STK40: variants seen among roughly 807,000 people sequenced by gnomAD.
STK40 encodes the protein serine/threonine-protein kinase 40.
A neutral mutation model predicts 47.9 loss-of-function variants in STK40; 13 were observed. That is an observed-to-expected ratio of 0.27 (90% CI 0.18 to 0.43). The LOEUF (loss-of-function observed/expected upper bound fraction) is 0.43, where lower values mean the gene tolerates loss of function less well. Ranked by LOEUF, STK40 falls within the 20% of genes least tolerant of loss-of-function variation. The pLI is 1.00. For synonymous variants in STK40, 225 were observed against 243.2 expected, an observed-to-expected ratio of 0.93 and a Z score of 0.69; for missense variants, 460 against 595.1, an observed-to-expected ratio of 0.77 and a Z score of 2.36.
At chr1:36,365,672 T>TA (rs1382198852) in intron 1 of STK40, among the ~76,000 whole-genome samples, 2 of 152,224 alleles carry the variant, frequency 1.3e-5, no homozygotes, top group Non-Finnish European at 2.9e-5. Context: ...GCCTAACTCC[T>TA]ACGCATCCTT....
chr1:36,356,722 G>T (rs1200618533), intron 4 of STK40, among the ~76,000 whole-genome samples: 1 of 152,046 alleles, frequency 6.6e-6, no homozygotes, highest in Non-Finnish European at 1.5e-5. Flanking sequence ...ACCTCGCCCG[G>T]CCTCCACATT....
rs1557502153 is a variant in STK40 at position 36,341,749 on chromosome 1, A to G, written c.*6T>C. 1.9e-6 allele frequency: 3 copies of G among 1,609,764 alleles called. No individual in the cohort carries two copies. The highest frequency in any genetic ancestry group is 2.5e-6 in the Non-Finnish European group (3 of 1,178,246). ...GCAGCAGTGCTGGTGGCCCCGGCTG[A>G]GGCTGTTATTTCCGCAGGTAGCGCT... On this transcript the variant is annotated 3_prime_UTR_variant, in exon 11 of 11. Coordinates refer to ENST00000373132, the MANE Select transcript of STK40 (RefSeq NM_001282547.2).
intron 1 of STK40, among the ~76,000 whole-genome samples, chr1:36,364,026 C>T (rs1028065602): frequency 6.0e-5 from 9 of 151,172 alleles, no homozygotes; most frequent in African/African-American, 2.2e-4. Context: ...TGGTGGGCAC[C>T]TGTAGTCCCA....
rs372595502 is a variant in STK40, at chr1:36,341,771, C to T, written c.1292G>A (p.Arg431His). ...TSLDTAILAQ[R>H]YLRK ...CTGAGGCTGTTATTTCCGCAGGTAGCGCTGCGCCAGGATGGCCGTGTCCAA... is the reference window on the plus strand; with the variant it reads ...CTGAGGCTGTTATTTCCGCAGGTAGTGCTGCGCCAGGATGGCCGTGTCCAA... Residue 431 changes from arginine to histidine, a missense_variant, in exon 11 of 11, where the codon CGC (arginine) becomes CAC (histidine). Arg to His is a conservative substitution (Grantham distance 29). Transcript: ENST00000373132. The T allele has an allele frequency of 1.4e-5, 23 of 1,611,472 alleles. No individual in the cohort carries two copies. The highest frequency in any genetic ancestry group is 2.0e-5 in the Non-Finnish European group (23 of 1,179,454).
At chr1:36,361,423 G>A in intron 1 of STK40, 83 bp from the exon 2 acceptor site, 1 of 1,584,134 alleles carries the variant, frequency 6.3e-7, no homozygotes, top group Non-Finnish European at 8.6e-7. Flanking sequence ...CCTTTGACTT[G>A]GGATGCATCA....
chr1:36,374,678 CAG>C (rs1237353148), intron 1 of STK40, among the ~76,000 whole-genome samples: 3 of 152,212 alleles, frequency 2.0e-5, no homozygotes, highest in Admixed American at 2.0e-4. Flanking sequence ...CCTCTCCATC[CAG>C]AGAGGTAGCC....
At chr1:36,368,283 A>G (rs7537338) in intron 1 of STK40, among the ~76,000 whole-genome samples, 1 of 150,694 alleles carries the variant, frequency 6.6e-6, no homozygotes, top group African/African-American at 2.5e-5. Flanking sequence ...CTATATATAT[A>G]TTTTTTTTCG....
At chr1:36,354,579 C>T (rs537505039) in intron 5 of STK40, among the ~76,000 whole-genome samples, 163 bp from the exon 6 acceptor site, 82 of 152,270 alleles carry the variant, frequency 5.4e-4, no homozygotes, top group Admixed American at 2.6e-3. Context: ...GTTCTAAGTT[C>T]GCGTGACCTG....
chr1:36,341,877 G>C lies in STK40; in HGVS notation c.1186C>G (p.Arg396Gly). ...AEEKSSIHDARSWVPKRQFGS... is the reference protein window; with the variant it reads ...AEEKSSIHDAGSWVPKRQFGS... ...AACTGCCGCTTGGGTACCCAGCTCC[G>C]GGCGTCATGGATGGAGCTCTTCTCC... The change falls in exon 11 of 11, where the codon CGG becomes GGG. Residue 396 changes from arginine to glycine, a missense_variant. Physicochemically the swap from Arg to Gly is moderately radical, Grantham distance 125. This residue lies in a region of STK40 where 181 missense variants were observed against 218.9 expected (regional missense o/e 0.83). Coordinates refer to ENST00000373132, the MANE Select transcript of STK40 (RefSeq NM_001282547.2). 1 of 1,614,014 alleles carries C rather than the reference G, an allele frequency of 6.2e-7. No homozygotes were observed. The highest frequency in any genetic ancestry group is 8.5e-7 in the Non-Finnish European group (1 of 1,179,976).
At position 36,339,752 on chromosome 1, in the gene STK40, G is replaced by A. The variant is rs578239280; in HGVS notation, c.*2003C>T. 6.5e-5 allele frequency: 10 copies of A among 152,812 alleles called. No homozygotes were observed. The highest frequency in any genetic ancestry group is 6.5e-4 in the Admixed American group (10 of 15,312). The allele number at this position is 152,812 out of a possible 1,614,324, so 9.5% of individuals were successfully genotyped here. On this transcript the variant is annotated 3_prime_UTR_variant, in exon 11 of 11. Coordinates refer to ENST00000373132, the MANE Select transcript of STK40 (RefSeq NM_001282547.2). ...TTTACAATAGGACTTCTCTCAGTGT[G>A]TGACACCCAGTGAGGGCTGACCCAT...
chr1:36,356,080 C>T (rs1392505585), intron 4 of STK40, among the ~76,000 whole-genome samples: 1 of 152,138 alleles, frequency 6.6e-6, no homozygotes, highest in Non-Finnish European at 1.5e-5. Context: ...GTCTGCTTAC[C>T]CTCTCCAGGT....
chr1:36,354,744 G>A (rs562320605), intron 5 of STK40, among the ~76,000 whole-genome samples: 1 of 152,244 alleles, frequency 6.6e-6, no homozygotes, highest in African/African-American at 2.4e-5. Flanking sequence ...TGGATCTGGG[G>A]GTCGGGGAGG....
At chr1:36,342,316 A>C (rs1646656899) in intron 10 of STK40, 2 of 331,744 alleles carry the variant, frequency 6.0e-6, no homozygotes, top group South Asian at 5.5e-5. Context: ...CGGCTAATGC[A>C]CGTCAAGAGG....
At chr1:36,374,120 G>GGTCT (rs1157459990) in intron 1 of STK40, among the ~76,000 whole-genome samples, 2 of 152,250 alleles carry the variant, frequency 1.3e-5, no homozygotes. Context: ...GAAAGTCCAG[G>GGTCT]GTCTGCAGCT....
chr1:36,363,136 C>G (rs1646868057), intron 1 of STK40, among the ~76,000 whole-genome samples: 1 of 151,922 alleles, frequency 6.6e-6, no homozygotes, highest in Admixed American at 6.6e-5. Context: ...GCCTGGGCAA[C>G]AGAGTAAGAC....
In STK40 at chr1:36,354,435, A is replaced by G. The variant is rs1248797769; in HGVS notation, c.571-19T>C. The G allele has an allele frequency of 8.1e-6, 13 of 1,613,516 alleles. No homozygotes were observed. The highest frequency in any genetic ancestry group is 1.3e-5 in the African/African-American group (1 of 74,886). On this transcript the variant is annotated intron_variant, in intron 5 of 10. Coordinates refer to ENST00000373132, the MANE Select transcript of STK40 (RefSeq NM_001282547.2). ...TATTTTTCTGTAAAACAACAGGCGTATGGTTTACATTGTCAATGTGAGAGG... is the reference window on the plus strand; with the variant it reads ...TATTTTTCTGTAAAACAACAGGCGTGTGGTTTACATTGTCAATGTGAGAGG...
chr1:36,354,513 C>G, intron 5 of STK40, 97 bp from the exon 6 acceptor site: 2 of 1,297,088 alleles, frequency 1.5e-6, no homozygotes, highest in Admixed American at 1.7e-5. Flanking sequence ...TTCGAGAAGG[C>G]AGGAAAAATT....
chr1:36,352,508 G>A (rs911763240), intron 6 of STK40, among the ~76,000 whole-genome samples: 1 of 152,118 alleles, frequency 6.6e-6, no homozygotes, highest in African/African-American at 2.4e-5. Flanking sequence ...CCAAGATAAC[G>A]AAGAAGTGGC....
chr1:36,366,886 G>A (rs1646906969), intron 1 of STK40, among the ~76,000 whole-genome samples: 1 of 150,556 alleles, frequency 6.6e-6, no homozygotes. Context: ...CCAGGCTGGA[G>A]TGCAATGGCG....
Sources: allele counts gnomAD v4.1 joint callset (sites outside exome capture counted in the v4.1 genomes callset), GRCh38; gene constraint gnomAD v4.1.1; regional missense constraint gnomAD v4.1.1; transcripts MANE v1.5; gene names NCBI Gene and HGNC (gene_info 2026-07-23, HGNC 2026-07-21).